Variants in CAPN2 observed in about 807,000 individuals in gnomAD.
CAPN2 encodes the protein calpain-2 catalytic subunit.
CAPN2 carries 92 observed loss-of-function variants against 102.3 expected under a neutral mutation model. The observed-to-expected ratio is 0.90, with a 90% CI of 0.76 to 1.07. The LOEUF is 1.07. Among genes scored for constraint, CAPN2 ranks in the 50% least tolerant of loss-of-function variants. CAPN2 has a pLI of 0.00. For missense variants in CAPN2, 800 were observed against 909.4 expected (o/e 0.88, Z 1.55); for synonymous variants, 340 against 355.4 (o/e 0.96, Z 0.49).
chr1:223,733,250 G>A (rs1660374563), intron 2 of CAPN2, among the ~76,000 whole-genome samples: 1 of 152,014 alleles, frequency 6.6e-6, no homozygotes, highest in South Asian at 2.1e-4. Context: ...TGTTTGTGAA[G>A]GAAAGACAGC....
rs1013447279 is a variant in CAPN2, at chr1:223,769,906, C to T, written c.1821C>T (p.Tyr607=). The change falls in exon 17 of 21, where the codon TAC becomes TAT. Residue 607 remains tyrosine (Y), a synonymous_variant. Transcript: ENST00000295006. ...TTCTCTGGACGAAGATTCAAAAATA[C>T]CAAGTAAGATCCCAGAGATGCGGGT... ...FYILWTKIQK[Y]QKIYREIDVD... 1 of 1,597,346 alleles carries T rather than the reference C, an allele frequency of 6.3e-7. No homozygotes were observed. Among genetic ancestry groups the T allele is most frequent in the African/African-American group, 1.3e-5 (1 of 74,640 alleles).
rs1486857146 is a variant in CAPN2 at position 223,756,940 on chromosome 1, G to A, written c.1306-429G>A. 6.6e-6 allele frequency among the ~76,000 whole-genome samples: 1 copy of A among 152,212 alleles called. No individual in the cohort carries two copies. The highest frequency in any genetic ancestry group is 1.5e-5 in the Non-Finnish European group (1 of 68,040). ...GAGACAAGAAAACTGAGGCCAGAGA[G>A]GAGAGGGGACTTGCTCAAGGAAATG... On this transcript the variant is annotated intron_variant, in intron 10 of 20. Coordinates refer to ENST00000295006, the MANE Select transcript of CAPN2 (RefSeq NM_001748.5). This position sits in a 1 kb window ranked among gnomAD's most constrained non-coding sequence, Gnocchi z 4.1.
chr1:223,765,158 C>T (rs895757825), intron 15 of CAPN2, among the ~76,000 whole-genome samples: 5 of 152,204 alleles, frequency 3.3e-5, no homozygotes, highest in African/African-American at 1.2e-4. Context: ...GGGATCATCT[C>T]GAGAAGCCTC....
intron 15 of CAPN2, among the ~76,000 whole-genome samples, chr1:223,765,986 C>T (rs1380280283): frequency 6.6e-6 from 1 of 152,166 alleles, no homozygotes; most frequent in Non-Finnish European, 1.5e-5. Context: ...TTCAAGTAAA[C>T]CTCTTTCTCT....
At chr1:223,772,662 T>G (rs750226819) in intron 20 of CAPN2, 6 of 168,662 alleles carry the variant, frequency 3.6e-5, no homozygotes, top group Non-Finnish European at 7.6e-5. Flanking sequence ...TTAAGCAAAT[T>G]AGTTTTCTCT....
chr1:223,773,353 T>C (rs1661530413), intron 20 of CAPN2: 1 of 152,222 alleles, frequency 6.6e-6, no homozygotes, highest in African/African-American at 2.4e-5. Flanking sequence ...GGTCAGGAGC[T>C]CAAGACCAGC....
At chr1:223,705,394 C>A (rs1659580874) in intron 1 of CAPN2, among the ~76,000 whole-genome samples, 1 of 152,170 alleles carries the variant, frequency 6.6e-6, no homozygotes, top group South Asian at 2.1e-4. Flanking sequence ...CCTCGGAAGA[C>A]TGAGTGGCAG....
At position 223,745,332 on chromosome 1, in the gene CAPN2, G is replaced by T; in HGVS notation, c.453G>T (p.Glu151Asp). 1 of 1,614,152 alleles carries T rather than the reference G, an allele frequency of 6.2e-7. No individual in the cohort carries two copies. The highest frequency in any genetic ancestry group is 8.5e-7 in the Non-Finnish European group (1 of 1,179,996). Reference sequence around the variant, plus strand: ...TCTGGCAATACGGCGAGTGGGTGGAGGTGGTGGTGGATGACAGGCTGCCCA... The same window carrying T: ...TCTGGCAATACGGCGAGTGGGTGGATGTGGTGGTGGATGACAGGCTGCCCA... Reference protein sequence around the residue: ...FQFWQYGEWVEVVVDDRLPTK... With the variant: ...FQFWQYGEWVDVVVDDRLPTK... Residue 151 changes from glutamate to aspartate, a missense_variant, in exon 4 of 21, where the codon GAG (glutamate) becomes GAT (aspartate). Coordinates refer to ENST00000295006, the MANE Select transcript of CAPN2 (RefSeq NM_001748.5).
chr1:223,749,140 T>G lies in CAPN2; in HGVS notation c.813+18T>G, dbSNP rs1178396597. On this transcript the variant is annotated intron_variant, in intron 6 of 20. Transcript: ENST00000295006. ...CCGAGGAGGTAACGGCCGGCGCGGATGTGCAGGGGTCCTGCTGTCCTGACA... is the reference window on the plus strand; with the variant it reads ...CCGAGGAGGTAACGGCCGGCGCGGAGGTGCAGGGGTCCTGCTGTCCTGACA... The G allele has an allele frequency of 1.9e-6, 3 of 1,607,350 alleles. No individual in the cohort carries two copies. The highest frequency in any genetic ancestry group is 2.6e-6 in the Non-Finnish European group (3 of 1,174,026).
chr1:223,721,990 A>G (rs1409246715), intron 2 of CAPN2, among the ~76,000 whole-genome samples: 1 of 152,220 alleles, frequency 6.6e-6, no homozygotes, highest in African/African-American at 2.4e-5. Flanking sequence ...TTGCCGAAGA[A>G]AAAGAGGATG....
chr1:223,757,326 A>G (rs1269361630), intron 10 of CAPN2, 43 bp from the exon 11 acceptor site: 7 of 1,612,722 alleles, frequency 4.3e-6, no homozygotes, highest in Admixed American at 1.7e-5. Context: ...ATTTTCTTAC[A>G]CTGCTTTTCC....
chr1:223,773,550 A>G (rs1242747160), intron 20 of CAPN2, among the ~76,000 whole-genome samples: 1 of 152,178 alleles, frequency 6.6e-6, no homozygotes, highest in African/African-American at 2.4e-5. Flanking sequence ...AAAATTAGCC[A>G]GGCGTGGTGA....
At chr1:223,762,083 G>T (rs895097196) in intron 13 of CAPN2, 103 bp from the exon 14 acceptor site, 29 of 899,762 alleles carry the variant, frequency 3.2e-5, no homozygotes, top group Admixed American at 5.6e-5. Context: ...CCCAGGGAGG[G>T]GTAGAGAAGG....
Position 223,734,040 on chromosome 1 carries a change from G to A in CAPN2, c.308-10060G>A, listed in dbSNP as rs934088496. 4.2e-4 allele frequency among the ~76,000 whole-genome samples: 64 copies of A among 152,190 alleles called. 2 individuals are homozygous for A. The highest frequency in any genetic ancestry group is 7.3e-5 in the Non-Finnish European group (5 of 68,036). ...GGAGGAGGGAGGCTGTTAAGGGGCC[G>A]TCTTTCCTTCTGTTATGTGAGGAGA... On this transcript the variant is annotated intron_variant, in intron 2 of 20. Coordinates refer to ENST00000295006, the MANE Select transcript of CAPN2 (RefSeq NM_001748.5).
Position 223,749,062 on chromosome 1 carries a change from G to A in CAPN2, c.753G>A (p.Glu251=), listed in dbSNP as rs755278339. ...SIDITSAADS[E]AITFQKLVKG... ...AGATCACCAGCGCCGCGGACTCGGA[G>A]GCCATCACGTTTCAGAAGCTGGTGA... Residue 251 remains glutamate, a synonymous_variant, in exon 6 of 21, where the codon GAG becomes GAA. Coordinates refer to ENST00000295006, the MANE Select transcript of CAPN2 (RefSeq NM_001748.5). 3 of 1,614,112 alleles carry A rather than the reference G, an allele frequency of 1.9e-6. No individual in the cohort carries two copies. Among genetic ancestry groups the A allele is most frequent in the Non-Finnish European group, 2.5e-6 (3 of 1,179,950 alleles).
chr1:223,712,406 C>T (rs1043851322), upstream of CAPN2: 31 of 1,060,778 alleles, frequency 2.9e-5, no homozygotes, highest in Middle Eastern at 4.3e-4. Flanking sequence ...CGCGGCGTTC[C>T]CGGCGCTCGG....
chr1:223,757,565 G>C, intron 11 of CAPN2, 185 bp downstream of exon 11: 1 of 629,946 alleles, frequency 1.6e-6, no homozygotes. Context: ...TAAGCTCTGG[G>C]CAAGGTTTCT....
chr1:223,717,620 G>A, intron 1 of CAPN2, 142 bp from the exon 2 acceptor site: 1 of 687,560 alleles, frequency 1.5e-6, no homozygotes, highest in African/African-American at 1.8e-5. Flanking sequence ...ATGACACAGA[G>A]TTCTGACTGT....
intron 2 of CAPN2, among the ~76,000 whole-genome samples, chr1:223,732,975 A>G (rs1660369144): frequency 6.6e-6 from 1 of 152,218 alleles, no homozygotes; most frequent in African/African-American, 2.4e-5. Context: ...AAGGGACTAA[A>G]GAAAACAATA....
Sources: gnomAD v4.1 joint callset for allele counts (sites outside exome capture counted in the v4.1 genomes callset) on GRCh38, gnomAD v4.1.1 for gene constraint, Gnocchi (gnomAD v3.1) non-coding constraint, MANE v1.5 for transcripts, NCBI Gene and HGNC (gene_info 2026-07-23, HGNC 2026-07-21) for gene names.